PLXDC2: variants seen among roughly 807,000 people sequenced by gnomAD.
The protein encoded by PLXDC2 is plexin domain-containing protein 2.
A neutral mutation model predicts 68.9 loss-of-function variants in PLXDC2; 40 were observed. That is an observed-to-expected ratio of 0.58 (90% confidence interval 0.45 to 0.76). The LOEUF is 0.76. Among genes scored for constraint, PLXDC2 ranks in the 30% least tolerant of loss-of-function variants. The probability of loss-of-function intolerance (pLI) is 0.00; values close to 1 mark genes in which losing one functional copy is unlikely to be tolerated. For missense variants in PLXDC2, 644 were observed against 661.9 expected, an observed-to-expected ratio of 0.97 and a Z score of 0.30; for synonymous variants, 243 against 234.2, an observed-to-expected ratio of 1.04 and a Z score of -0.34.
At chr10:20,038,912 G>A (rs1440634847) in intron 2 of PLXDC2, among the ~76,000 whole-genome samples, 4 of 152,200 alleles carry the variant, frequency 2.6e-5, no homozygotes, top group East Asian at 1.9e-4. Context: ...GCCAGGAGTC[G>A]TTACTCATTC....
chr10:19,938,621 G>A (rs1303505895), intron 1 of PLXDC2, among the ~76,000 whole-genome samples: 1 of 152,120 alleles, frequency 6.6e-6, no homozygotes, highest in Non-Finnish European at 1.5e-5. Flanking sequence ...CCTCCCACCA[G>A]GTCCTACCTC....
intron 2 of PLXDC2, among the ~76,000 whole-genome samples, chr10:20,044,219 T>C (rs868383941): frequency 8.2e-4 from 12 of 14,690 alleles, no homozygotes; most frequent in African/African-American, 3.0e-3. Context: ...CTGTCTTTCT[T>C]TCTTTCTTTC....
chr10:20,171,500 A>T (rs923311876), intron 7 of PLXDC2, among the ~76,000 whole-genome samples: 3 of 152,192 alleles, frequency 2.0e-5, no homozygotes, highest in African/African-American at 7.2e-5. Context: ...GTAACTACTC[A>T]TAAAACACTT....
At chr10:20,092,317 G>A (rs937828068) in intron 4 of PLXDC2, among the ~76,000 whole-genome samples, 3 of 152,126 alleles carry the variant, frequency 2.0e-5, no homozygotes, top group Non-Finnish European at 4.4e-5. Flanking sequence ...CTGTAGCACT[G>A]ATGGAACAGT....
intron 4 of PLXDC2, among the ~76,000 whole-genome samples, chr10:20,102,673 A>G (rs1427281568): frequency 6.6e-6 from 1 of 152,226 alleles, no homozygotes; most frequent in African/African-American, 2.4e-5. Context: ...TGTGGTACAG[A>G]ACACTGCAGA....
intron 4 of PLXDC2, among the ~76,000 whole-genome samples, chr10:20,126,901 G>A (rs1445051573): frequency 2.0e-5 from 3 of 146,966 alleles, no homozygotes; most frequent in African/African-American, 5.0e-5. Context: ...TATAATATAT[G>A]TATATATGTA....
intron 9 of PLXDC2, among the ~76,000 whole-genome samples, chr10:20,180,861 T>C (rs1834594156): frequency 2.0e-5 from 3 of 152,050 alleles, no homozygotes; most frequent in African/African-American, 7.2e-5. Flanking sequence ...GTGCTTATGT[T>C]TCCTCATTGC....
intron 2 of PLXDC2, among the ~76,000 whole-genome samples, chr10:20,029,558 G>C (rs1021648504): frequency 2.0e-4 from 30 of 151,254 alleles, no homozygotes; most frequent in African/African-American, 7.3e-4. Context: ...CTCACCCCTG[G>C]GACTTTGCAA....
chr10:20,283,850 T>C lies in PLXDC2; in HGVS notation c.*4031T>C, dbSNP rs1245895051. The C allele has an allele frequency of 6.6e-6, 1 of 152,222 alleles. No homozygotes were observed. The highest frequency in any genetic ancestry group is 1.9e-4 in the East Asian group (1 of 5,202). 9.4% of individuals were successfully genotyped at this position (152,222 alleles called of 1,614,324 possible). A position where few individuals can be genotyped will look rare whatever the true frequency, so the allele number is the denominator to read the frequency against. Reference sequence around the variant, plus strand: ...ATTAAAATATAAAACTATTTGGAACTTAATGTAAACCTTTGCACATGCAGA... The same window carrying C: ...ATTAAAATATAAAACTATTTGGAACCTAATGTAAACCTTTGCACATGCAGA... On this transcript the variant is annotated 3_prime_UTR_variant, in exon 14 of 14. Transcript: ENST00000377252.
At chr10:19,962,522 G>C (rs1359559220) in intron 1 of PLXDC2, among the ~76,000 whole-genome samples, 6 of 148,720 alleles carry the variant, frequency 4.0e-5, no homozygotes, top group African/African-American at 7.4e-5. Flanking sequence ...TCCCCAGCAG[G>C]TGGGACTACA....
chr10:20,066,015 A>G (rs1434392402), intron 3 of PLXDC2, among the ~76,000 whole-genome samples: 1 of 152,230 alleles, frequency 6.6e-6, no homozygotes, highest in Non-Finnish European at 1.5e-5. Flanking sequence ...AATGATAGTG[A>G]CCGATGTTTG....
Position 19,991,504 on chromosome 10 carries a change from G to A in PLXDC2, c.113-10271G>A, listed in dbSNP as rs113482890. ...AATACTACCTTGAATTAATCAGAAT[G>A]GGAACTGGGTAAGTTGATGATAATG... is the stretch of plus-strand genomic sequence containing the variant. On this transcript the variant is annotated intron_variant, in intron 1 of 13. Coordinates refer to ENST00000377252, the MANE Select transcript of PLXDC2 (RefSeq NM_032812.9). 3.8e-3 allele frequency among the ~76,000 whole-genome samples: 582 copies of A among 152,094 alleles called. 1 individual carries two copies. Among genetic ancestry groups the A allele is most frequent in the Middle Eastern group, 0.01 (3 of 294 alleles).
At chr10:20,264,493 C>T (rs982864468) in intron 13 of PLXDC2, among the ~76,000 whole-genome samples, 8 of 151,804 alleles carry the variant, frequency 5.3e-5, no homozygotes, top group Non-Finnish European at 1.2e-4. Context: ...CTAATAAAAA[C>T]GCTAAGGAAC....
intron 9 of PLXDC2, among the ~76,000 whole-genome samples, chr10:20,206,251 A>G (rs1234376847): frequency 3.3e-5 from 5 of 152,150 alleles, no homozygotes; most frequent in African/African-American, 1.2e-4. Context: ...ACTAACTCAA[A>G]CAATTGGATT....
At chr10:20,151,893 T>A (rs959413757) in intron 6 of PLXDC2, among the ~76,000 whole-genome samples, 3 of 152,140 alleles carry the variant, frequency 2.0e-5, no homozygotes, top group African/African-American at 7.2e-5. Flanking sequence ...TTCATTATGT[T>A]TTATGTGAAT....
intron 1 of PLXDC2, among the ~76,000 whole-genome samples, chr10:19,940,020 C>G (rs527832769): frequency 2.0e-5 from 3 of 151,788 alleles, no homozygotes; most frequent in Non-Finnish European, 4.4e-5. Context: ...GATGTTTAAG[C>G]TGGTTGCTTG....
chr10:19,920,094 A>T (rs1259898681), intron 1 of PLXDC2, among the ~76,000 whole-genome samples: 1 of 152,212 alleles, frequency 6.6e-6, no homozygotes, highest in East Asian at 1.9e-4. Context: ...ATGGGGCAAT[A>T]TATCTTGTTG....
intron 1 of PLXDC2, among the ~76,000 whole-genome samples, chr10:19,883,959 T>C (rs573682236): frequency 3.0e-4 from 42 of 142,086 alleles, no homozygotes; most frequent in African/African-American, 1.1e-3. Context: ...GGTGGCGTGA[T>C]TGATCTCGGC....
chr10:19,935,623 G>T (rs1241217831), intron 1 of PLXDC2, among the ~76,000 whole-genome samples: 1 of 152,202 alleles, frequency 6.6e-6, no homozygotes, highest in Non-Finnish European at 1.5e-5. Flanking sequence ...GCATCCAAGA[G>T]AACTCAGTCA....
Sources: gnomAD v4.1 joint callset for allele counts (sites outside exome capture counted in the v4.1 genomes callset) on GRCh38, gnomAD v4.1.1 for gene constraint, MANE v1.5 for transcripts, NCBI Gene and HGNC (gene_info 2026-07-23, HGNC 2026-07-21) for gene names.